Variants in TUBA4B observed in about 807,000 individuals in gnomAD.
TUBA4B encodes tubulin-like protein alpha-4B.
In TUBA4B, 13 loss-of-function variants were observed where a neutral mutation model predicts 18.4. The ratio of observed to expected loss-of-function variants is 0.71; its 90% CI spans 0.46 to 1.12. The LOEUF is 1.12. TUBA4B is among the 50% of genes most tolerant of loss of function. The pLI is 0.00. For missense variants in TUBA4B, 244 were observed against 250.0 expected (o/e 0.98, Z 0.16); for synonymous variants, 101 against 99.1 (o/e 1.02, Z -0.11).
chr2:219,263,894 G>A (rs919118806), intron 1 of TUBA4B, among the ~76,000 whole-genome samples: 9 of 152,134 alleles, frequency 5.9e-5, no homozygotes, highest in African/African-American at 2.2e-4. Context: ...CACAGTGGCT[G>A]AAATTTCACA....
At chr2:219,263,484 C>T (rs1271618008) in intron 1 of TUBA4B, among the ~76,000 whole-genome samples, 2 of 152,196 alleles carry the variant, frequency 1.3e-5, no homozygotes, top group South Asian at 4.1e-4. Flanking sequence ...TTACATAAGA[C>T]AGCTGACTGC....
rs369702809 is a variant in TUBA4B at position 219,253,359 on chromosome 2, G to A, written c.-49G>A. 8.6e-4 allele frequency: 1,316 copies of A among 1,531,970 alleles called. 9 individuals are homozygous for A. The African/African-American group carries it at 0.016, about 19-fold the overall frequency. The allele number at this position is 1,531,970 out of a possible 1,614,324, so 94.9% of individuals were successfully genotyped here. On this transcript the variant is annotated 5_prime_UTR_variant, in exon 1 of 4. Coordinates refer to ENST00000490341, the MANE Select transcript of TUBA4B (RefSeq NM_001355221.1). ...AGACGCGGGGTGCTGAGTCACGGGG[G>A]GGGGGTGGTTCTGTGGATAGTTGGA...
At position 219,271,494 on chromosome 2, in the gene TUBA4B, T is replaced by C. The variant is rs1951825561; in HGVS notation, c.521T>C (p.Val174Ala). ...TNLNRLISQIVSSITASLRFD... is the reference protein window; with the variant it reads ...TNLNRLISQIASSITASLRFD... ...CTCAATCGCCTCATTAGCCAAATTG[T>C]CTCCTCCATCACAGCTTCTCTGCGC... Residue 174 changes from valine (V) to alanine (A), a missense_variant, in exon 4 of 4, where the codon GTC (valine) becomes GCC (alanine). By Grantham distance (64) the Val-to-Ala change is moderately conservative. Transcript: ENST00000490341. The C allele has an allele frequency of 1.2e-6, 2 of 1,614,020 alleles. No individual in the cohort carries two copies. Among genetic ancestry groups the C allele is most frequent in the African/African-American group, 2.7e-5 (2 of 74,876 alleles).
rs118090234 is a variant in TUBA4B at position 219,271,996 on chromosome 2, C to T, written c.*297C>T. The T allele has an allele frequency of 1.2e-5, 18 of 1,521,932 alleles. No individual in the cohort carries two copies. In the East Asian group the frequency reaches 1.4e-4, roughly 11 times the overall value. 94.3% of individuals were successfully genotyped at this position (1,521,932 alleles called of 1,614,324 possible). ...TTTGACCTGATGTATGCCAAGAGGG[C>T]GTTTGGGCACTGATATGTGGGTGAG... is the stretch of plus-strand genomic sequence containing the variant. On this transcript the variant is annotated 3_prime_UTR_variant, in exon 4 of 4. Transcript: ENST00000490341.
In TUBA4B at chr2:219,264,535, T is replaced by C. The variant is rs1574892737; in HGVS notation, c.13-1986T>C. ...TAGTAATATGCCAGCATCACTGCTC[T>C]TGAGCGGTGGGGCTGTTATGAGGTA... On this transcript the variant is annotated intron_variant, in intron 1 of 3. Transcript: ENST00000490341. 3.9e-5 allele frequency among the ~76,000 whole-genome samples: 6 copies of C among 152,076 alleles called. No individual in the cohort carries two copies. The South Asian group carries it at 1.2e-3, about 31-fold the overall frequency.
intron 1 of TUBA4B, among the ~76,000 whole-genome samples, chr2:219,260,388 G>A (rs1204877519): frequency 6.6e-6 from 1 of 152,046 alleles, no homozygotes; most frequent in Non-Finnish European, 1.5e-5. Context: ...TTTAAAACTA[G>A]AGTATATACA....
intron 1 of TUBA4B, among the ~76,000 whole-genome samples, chr2:219,263,491 C>A (rs1951771496): frequency 6.6e-6 from 1 of 152,164 alleles, no homozygotes; most frequent in Non-Finnish European, 1.5e-5. Flanking sequence ...AGACAGCTGA[C>A]TGCCATTAGG....
intron 1 of TUBA4B, among the ~76,000 whole-genome samples, chr2:219,260,473 C>T (rs527770599): frequency 4.6e-5 from 7 of 152,202 alleles, no homozygotes; most frequent in African/African-American, 1.7e-4. Flanking sequence ...AAATTTATAT[C>T]TCCATTTCTG....
intron 1 of TUBA4B, among the ~76,000 whole-genome samples, chr2:219,261,811 C>A (rs1011640684): frequency 1.4e-4 from 21 of 152,058 alleles, no homozygotes; most frequent in African/African-American, 5.1e-4. Flanking sequence ...CCTCCTGTTA[C>A]ACTTATATAA....
chr2:219,253,552 G>A (rs770149311), intron 1 of TUBA4B, 133 bp downstream of exon 1: 45 of 809,228 alleles, frequency 5.6e-5, no homozygotes, highest in Non-Finnish European at 8.6e-5. Context: ...GCGGGCCCGC[G>A]TGACTCTCAT....
chr2:219,267,182 A>G (rs893983700), intron 2 of TUBA4B, among the ~76,000 whole-genome samples: 2 of 152,152 alleles, frequency 1.3e-5, no homozygotes, highest in African/African-American at 4.8e-5. Flanking sequence ...ACCAGGCAGG[A>G]TAGAAGAACA....
intron 1 of TUBA4B, among the ~76,000 whole-genome samples, chr2:219,261,017 AC>A (rs1656076450): frequency 6.6e-6 from 1 of 151,470 alleles, no homozygotes; most frequent in South Asian, 2.1e-4. Flanking sequence ...TTTTAGGATC[AC>A]TTTCCTCTCT....
chr2:219,270,898 C>G (rs559156728), intron 3 of TUBA4B, among the ~76,000 whole-genome samples: 1 of 151,344 alleles, frequency 6.6e-6, no homozygotes, highest in African/African-American at 2.4e-5. Flanking sequence ...TCAGCCTAGA[C>G]AGCCAACTCC....
Position 219,266,575 on chromosome 2 carries a change from A to G in TUBA4B, c.58+9A>G, listed in dbSNP as rs1383656651. 2.8e-6 allele frequency: 2 copies of G among 702,972 alleles called. No homozygotes were observed. The highest frequency in any genetic ancestry group is 2.6e-6 in the Non-Finnish European group (1 of 384,964). The allele number at this position is 702,972 out of a possible 1,614,324, so 43.5% of individuals were successfully genotyped here. ...CCTGTCCAGGCAGCATGGTGAGTAG[A>G]AGGGGCCTTGGGGGGACTGAGCATG... On this transcript the variant is annotated intron_variant, in intron 2 of 3. Transcript: ENST00000490341.
intron 1 of TUBA4B, among the ~76,000 whole-genome samples, 191 bp downstream of exon 1, chr2:219,253,610 A>T (rs1559277810): frequency 6.6e-6 from 1 of 152,094 alleles, no homozygotes; most frequent in Non-Finnish European, 1.5e-5. Context: ...GAGTGCCAGG[A>T]AGGGTTCCTC....
At chr2:219,267,141 G>A (rs1001932058) in intron 2 of TUBA4B, among the ~76,000 whole-genome samples, 2 of 152,096 alleles carry the variant, frequency 1.3e-5, no homozygotes, top group African/African-American at 4.8e-5. Context: ...CTGTGCCTGG[G>A]GCTTATTTGA....
chr2:219,257,379 G>A (rs533044881), intron 1 of TUBA4B, among the ~76,000 whole-genome samples: 3 of 138,898 alleles, frequency 2.2e-5, no homozygotes, highest in African/African-American at 5.4e-5. Flanking sequence ...GATCTTGGCC[G>A]GGCATGTAAT....
chr2:219,264,121 C>A (rs1037002386), intron 1 of TUBA4B, among the ~76,000 whole-genome samples: 5 of 152,116 alleles, frequency 3.3e-5, no homozygotes, highest in Admixed American at 1.3e-4. Flanking sequence ...TACATGCATA[C>A]ATATGACCAA....
intron 1 of TUBA4B, among the ~76,000 whole-genome samples, chr2:219,263,386 G>A (rs112377203): frequency 5.6e-4 from 86 of 152,236 alleles, no homozygotes; most frequent in South Asian, 4.8e-3. Flanking sequence ...CTAGGTACTC[G>A]GGAGGCTGAG....
Sources: gnomAD v4.1 joint callset for allele counts (sites outside exome capture counted in the v4.1 genomes callset) on GRCh38, gnomAD v4.1.1 for gene constraint, MANE v1.5 for transcripts, NCBI Gene and HGNC (gene_info 2026-07-23, HGNC 2026-07-21) for gene names.